The following FAM13A variants were observed in gnomAD, a reference collection of about 807,000 sequenced individuals.
FAM13A encodes the protein protein FAM13A.
In FAM13A, 76 loss-of-function variants were observed where a neutral mutation model predicts 129.6. The observed-to-expected ratio is 0.59, with a 90% CI of 0.49 to 0.71. FAM13A has a LOEUF of 0.71. Among genes scored for constraint, FAM13A ranks in the 30% least tolerant of loss-of-function variants. FAM13A has a pLI of 0.00. For missense variants in FAM13A, 1,108 were observed against 1,249.3 expected, an observed-to-expected ratio of 0.89 and a Z score of 1.70; for synonymous variants, 443 against 449.9, an observed-to-expected ratio of 0.98 and a Z score of 0.20.
At chr4:88,947,749 T>C (rs1334340167) in intron 4 of FAM13A, among the ~76,000 whole-genome samples, 1 of 152,082 alleles carries the variant, frequency 6.6e-6, no homozygotes, top group African/African-American at 2.4e-5. Context: ...TAGAATGAAG[T>C]ACTGCCTGAT....
At chr4:88,938,265 A>G (rs1754159250) in intron 4 of FAM13A, 24 bp from the exon 5 acceptor site, 3 of 1,583,736 alleles carry the variant, frequency 1.9e-6, no homozygotes, top group Non-Finnish European at 2.6e-6. Flanking sequence ...AGGGAAAGAG[A>G]GGAATTACTT....
intron 1 of FAM13A, among the ~76,000 whole-genome samples, chr4:89,051,708 A>C (rs1439327481): frequency 6.6e-6 from 1 of 152,186 alleles, no homozygotes; most frequent in Non-Finnish European, 1.5e-5. Context: ...ACGTGCTTCC[A>C]AAATACAAAG....
chr4:88,786,270 A>G (rs764974575), intron 10 of FAM13A, among the ~76,000 whole-genome samples: 2 of 152,144 alleles, frequency 1.3e-5, no homozygotes, highest in Non-Finnish European at 2.9e-5. Flanking sequence ...TCCACCTGCT[A>G]GCCCTCTGTC....
At chr4:89,010,023 T>A (rs1765537071) in intron 3 of FAM13A, among the ~76,000 whole-genome samples, 1 of 152,224 alleles carries the variant, frequency 6.6e-6, no homozygotes, top group African/African-American at 2.4e-5. Flanking sequence ...CCATATCTGG[T>A]TGGACACAGT....
intron 11 of FAM13A, among the ~76,000 whole-genome samples, chr4:88,779,405 C>T (rs894898390): frequency 6.6e-6 from 1 of 152,100 alleles, no homozygotes; most frequent in Non-Finnish European, 1.5e-5. Flanking sequence ...TAATATTAGT[C>T]GTCGTTGTGT....
chr4:88,739,152 G>A (rs759132305), intron 19 of FAM13A, 27 bp from the exon 20 acceptor site: 1 of 1,523,410 alleles, frequency 6.6e-7, no homozygotes, highest in Non-Finnish European at 9.1e-7. Context: ...AGAGCTATGA[G>A]AAGCCTGCTG....
intron 6 of FAM13A, among the ~76,000 whole-genome samples, chr4:88,870,843 A>G (rs1338076408): frequency 6.6e-6 from 1 of 152,220 alleles, no homozygotes; most frequent in East Asian, 1.9e-4. Flanking sequence ...AACTCTGTGT[A>G]GCCTAACTGG....
chr4:88,806,100 T>C (rs1728501258), intron 7 of FAM13A, among the ~76,000 whole-genome samples: 2 of 152,170 alleles, frequency 1.3e-5, no homozygotes, highest in Admixed American at 1.3e-4. Context: ...ACTGGAGTGA[T>C]CTCTGAACTT....
chr4:88,944,190 C>A (rs1170861115), intron 4 of FAM13A, among the ~76,000 whole-genome samples: 1 of 152,044 alleles, frequency 6.6e-6, no homozygotes, highest in Non-Finnish European at 1.5e-5. Flanking sequence ...TAGTGAGACC[C>A]TCATTTTAAA....
intron 6 of FAM13A, among the ~76,000 whole-genome samples, chr4:88,888,277 A>G (rs1379891462): frequency 1.2e-4 from 18 of 152,164 alleles, no homozygotes; most frequent in Non-Finnish European, 1.8e-4. Context: ...TTGAAACATA[A>G]TTTCATATAA....
At chr4:88,858,777 G>T in intron 6 of FAM13A, among the ~76,000 whole-genome samples, 1 of 152,172 alleles carries the variant, frequency 6.6e-6, no homozygotes, top group East Asian at 1.9e-4. Context: ...TTTCTTTTGA[G>T]GGTAATGAAA....
At chr4:88,757,269 C>A (rs1003144867) in intron 14 of FAM13A, among the ~76,000 whole-genome samples, 4 of 152,058 alleles carry the variant, frequency 2.6e-5, no homozygotes, top group African/African-American at 9.7e-5. Flanking sequence ...AAACTGAGTC[C>A]ATTTCAGGAG....
chr4:89,045,410 C>G (rs573862334), intron 1 of FAM13A, among the ~76,000 whole-genome samples: 1 of 152,074 alleles, frequency 6.6e-6, no homozygotes, highest in Non-Finnish European at 1.5e-5. Context: ...CACTTTATGC[C>G]CCATTTCCAC....
intron 7 of FAM13A, chr4:88,823,053 C>G (rs779294126): frequency 6.2e-7 from 1 of 1,611,596 alleles, no homozygotes; most frequent in South Asian, 1.1e-5. Flanking sequence ...TCTTCCACGG[C>G]AAGTTTGGTC....
In FAM13A at chr4:88,910,813, C is replaced by G. The variant is rs1033019031; in HGVS notation, c.760-4351G>C. ...TACAGGCACGCGTCACCATGCCCAG[C>G]TAATTTCTGTATTTTTAGTAGAGAC... is the stretch of plus-strand genomic sequence containing the variant. On this transcript the variant is annotated intron_variant, in intron 5 of 23. Coordinates refer to ENST00000264344, the MANE Select transcript of FAM13A (RefSeq NM_014883.4). Among the ~76,000 whole-genome samples, 4 of 152,048 alleles carry G rather than the reference C, an allele frequency of 2.6e-5. No individual in the cohort carries two copies. The East Asian group carries it at 7.7e-4, about 29-fold the overall frequency.
At chr4:88,937,845 G>A (rs932410770) in intron 5 of FAM13A, 24 of 549,060 alleles carry the variant, frequency 4.4e-5, no homozygotes, top group South Asian at 3.8e-4. Context: ...GCTCATGCAA[G>A]TGTTTTTGAG....
intron 11 of FAM13A, among the ~76,000 whole-genome samples, chr4:88,769,356 T>C (rs1208184275): frequency 6.6e-6 from 1 of 152,178 alleles, no homozygotes; most frequent in African/African-American, 2.4e-5. Flanking sequence ...CAAAGGGAGA[T>C]AATATAACAT....
chr4:88,935,526 T>C (rs1450791945), intron 5 of FAM13A, among the ~76,000 whole-genome samples: 9 of 152,146 alleles, frequency 5.9e-5, no homozygotes, highest in Admixed American at 5.9e-4. Context: ...TTTATATTCA[T>C]CCTTCCAAAA....
Position 88,934,304 on chromosome 4 carries a change from A to G in FAM13A, c.759+3784T>C, listed in dbSNP as rs143756317. On this transcript the variant is annotated intron_variant, in intron 5 of 23. Transcript: ENST00000264344. ...ATTGGCTGTTGTTTAGTGTATTTCC[A>G]TGAGAATATAAGAATCATAAGAGCA... 3.4e-3 allele frequency among the ~76,000 whole-genome samples: 515 copies of G among 152,206 alleles called. 2 individuals are homozygous for G. The highest frequency in any genetic ancestry group is 0.012 in the African/African-American group (487 of 41,528).
Sources: gnomAD v4.1 joint callset for allele counts (sites outside exome capture counted in the v4.1 genomes callset) on GRCh38, gnomAD v4.1.1 for gene constraint, MANE v1.5 for transcripts, NCBI Gene and HGNC (gene_info 2026-07-23, HGNC 2026-07-21) for gene names.